TOM1L1: variants seen among roughly 807,000 people sequenced by gnomAD.
TOM1L1 encodes the protein TOM1-like protein 1.
A neutral mutation model predicts 63.4 loss-of-function variants in TOM1L1; 64 were observed. The ratio of observed to expected loss-of-function variants is 1.01; its 90% CI spans 0.83 to 1.24. The LOEUF (loss-of-function observed/expected upper bound fraction) is 1.24. TOM1L1 is among the 50% of genes most tolerant of loss of function. The probability of loss-of-function intolerance (pLI) is 0.00; values close to 1 mark genes in which losing one functional copy is unlikely to be tolerated. For missense variants in TOM1L1, 536 were observed against 567.0 expected (o/e 0.95, Z 0.55); for synonymous variants, 166 against 194.4 (o/e 0.85, Z 1.22).
At chr17:54,941,995 T>C (rs982556422) in intron 11 of TOM1L1, among the ~76,000 whole-genome samples, 1 of 152,234 alleles carries the variant, frequency 6.6e-6, no homozygotes. Flanking sequence ...ATCCCTTTGT[T>C]TGCAGTTTAA....
rs746414145 is a variant in TOM1L1 at position 54,914,702 on chromosome 17, AT to A, written c.564del (p.Ile188MetfsTer25). ...VPTAPALSSV[I>X]APKNSTVTLV... Reference sequence around the variant, plus strand: ...TACTGCACCAGCTCTTTCTTCTGTAATTGCTCCAAAGAACTCGACTGTTACA... The same window carrying A: ...TACTGCACCAGCTCTTTCTTCTGTAATGCTCCAAAGAACTCGACTGTTACA... On this transcript the variant is annotated frameshift_variant, in exon 6 of 16. Coordinates refer to ENST00000575882, the MANE Select transcript of TOM1L1 (RefSeq NM_005486.3). LOFTEE classifies it high-confidence loss of function. 4.3e-6 allele frequency: 7 copies of A among 1,613,848 alleles called. No homozygotes were observed. In the African/African-American group the frequency reaches 9.3e-5, roughly 22 times the overall value.
intron 12 of TOM1L1, among the ~76,000 whole-genome samples, chr17:54,949,139 G>A (rs1369199615): frequency 2.0e-5 from 3 of 151,566 alleles, no homozygotes; most frequent in East Asian, 1.9e-4. Context: ...CCCTAGGCTC[G>A]TGATCCTCCT....
At chr17:54,910,962 C>G (rs911203241) in intron 3 of TOM1L1, among the ~76,000 whole-genome samples, 2 of 152,168 alleles carry the variant, frequency 1.3e-5, no homozygotes, top group Admixed American at 1.3e-4. Context: ...GATGATTATA[C>G]CTATCCTGGT....
intron 10 of TOM1L1, 99 bp from the exon 11 acceptor site, chr17:54,938,820 TTTTTC>T: frequency 3.2e-6 from 2 of 621,390 alleles, no homozygotes; most frequent in Non-Finnish European, 5.3e-6. Flanking sequence ...TTTTCTTTTT[TTTTTC>T]TTTTTCTTTT....
chr17:54,951,487 G>C (rs773263167), intron 14 of TOM1L1, among the ~76,000 whole-genome samples: 40 of 152,200 alleles, frequency 2.6e-4, no homozygotes, highest in Non-Finnish European at 4.4e-4. Flanking sequence ...CGATTAGAGT[G>C]GTGCCTTGGG....
At chr17:54,926,169 A>C in intron 7 of TOM1L1, among the ~76,000 whole-genome samples, 1 of 152,224 alleles carries the variant, frequency 6.6e-6, no homozygotes, top group Admixed American at 6.5e-5. Context: ...CATTTTGTGC[A>C]GTAGACACAT....
In TOM1L1 at chr17:54,961,848, CTTTT is replaced by C; in HGVS notation, c.*619_*622del. On this transcript the variant is annotated 3_prime_UTR_variant, in exon 16 of 16. Coordinates refer to ENST00000575882, the MANE Select transcript of TOM1L1 (RefSeq NM_005486.3). ...ATGATTCTTTGTAATGCTAAATAGC[CTTTT>C]TTTCTCTTTTTACTGCAACTTAATA... 1 of 966,342 alleles carries C rather than the reference CTTTT, an allele frequency of 1.0e-6. No homozygotes were observed. The highest frequency in any genetic ancestry group is 1.2e-6 in the Non-Finnish European group (1 of 812,568). 59.9% of individuals were successfully genotyped at this position (966,342 alleles called of 1,614,324 possible). A position where few individuals can be genotyped will look rare whatever the true frequency, so the allele number is the denominator to read the frequency against.
At chr17:54,925,869 C>T (rs1419040637) in intron 7 of TOM1L1, among the ~76,000 whole-genome samples, 1 of 151,848 alleles carries the variant, frequency 6.6e-6, no homozygotes, top group Non-Finnish European at 1.5e-5. Flanking sequence ...CACCACTGCA[C>T]TCCAGCCTGG....
chr17:54,918,438 T>A (rs2048627782), intron 7 of TOM1L1, among the ~76,000 whole-genome samples: 1 of 151,994 alleles, frequency 6.6e-6, no homozygotes, highest in South Asian at 2.1e-4. Context: ...ATCGCTCAGG[T>A]GTGTAGGGAT....
At chr17:54,901,685 C>T (rs2048329978) in intron 1 of TOM1L1, among the ~76,000 whole-genome samples, 2 of 152,062 alleles carry the variant, frequency 1.3e-5, no homozygotes, top group Non-Finnish European at 2.9e-5. Context: ...ATATTAATGC[C>T]AGGCAAAGTG....
chr17:54,956,419 C>T (rs1190728697), intron 14 of TOM1L1, among the ~76,000 whole-genome samples: 2 of 152,114 alleles, frequency 1.3e-5, no homozygotes, highest in Admixed American at 6.5e-5. Context: ...ATTCTCATGC[C>T]TCAGCCTCCT....
At chr17:54,907,665 T>A (rs1020718666) in intron 3 of TOM1L1, among the ~76,000 whole-genome samples, 1 of 152,124 alleles carries the variant, frequency 6.6e-6, no homozygotes, top group African/African-American at 2.4e-5. Context: ...TAATGGAAGG[T>A]ACTGTAGAAC....
At chr17:54,945,470 T>A (rs1377905047) in intron 11 of TOM1L1, among the ~76,000 whole-genome samples, 1 of 152,196 alleles carries the variant, frequency 6.6e-6, no homozygotes, top group East Asian at 1.9e-4. Flanking sequence ...ACTACAGTCT[T>A]TCTGCTCTCC....
At chr17:54,949,848 G>A (rs972663482) in intron 13 of TOM1L1, among the ~76,000 whole-genome samples, 197 bp from the exon 14 acceptor site, 2 of 152,186 alleles carry the variant, frequency 1.3e-5, no homozygotes, top group African/African-American at 4.8e-5. Context: ...TAAGGTAAAT[G>A]AATCTTTAGT....
At chr17:54,955,331 A>C (rs981183339) in intron 14 of TOM1L1, among the ~76,000 whole-genome samples, 1 of 152,214 alleles carries the variant, frequency 6.6e-6, no homozygotes, top group African/African-American at 2.4e-5. Context: ...TAGGTAAATC[A>C]ATCAAGTGAG....
intron 7 of TOM1L1, among the ~76,000 whole-genome samples, chr17:54,928,169 G>C (rs905873647): frequency 6.6e-6 from 1 of 152,036 alleles, no homozygotes; most frequent in Admixed American, 6.6e-5. Flanking sequence ...TTGGATCCTG[G>C]ATAATAGCAT....
chr17:54,926,799 A>T (rs2048777105), intron 7 of TOM1L1, among the ~76,000 whole-genome samples: 1 of 152,242 alleles, frequency 6.6e-6, no homozygotes, highest in Non-Finnish European at 1.5e-5. Flanking sequence ...CTGCATATGC[A>T]GAAAGAATAA....
chr17:54,918,517 G>A (rs1260667458), intron 7 of TOM1L1, among the ~76,000 whole-genome samples: 2 of 152,170 alleles, frequency 1.3e-5, no homozygotes, highest in African/African-American at 4.8e-5. Context: ...ACCTGTACAA[G>A]TAATGGAGTA....
chr17:54,947,134 A>G, intron 11 of TOM1L1, 127 bp from the exon 12 acceptor site: 1 of 850,540 alleles, frequency 1.2e-6, no homozygotes, highest in Non-Finnish European at 1.9e-6. Flanking sequence ...CAGTTATTAC[A>G]AAATGACACT....
Sources: gnomAD v4.1 joint callset for allele counts (sites outside exome capture counted in the v4.1 genomes callset) on GRCh38, gnomAD v4.1.1 for gene constraint, MANE v1.5 for transcripts, NCBI Gene and HGNC (gene_info 2026-07-23, HGNC 2026-07-21) for gene names.